COL18A1: variants seen among roughly 807,000 people sequenced by gnomAD.
COL18A1 encodes collagen type XVIII alpha 1 chain.
In COL18A1, 133 loss-of-function variants were observed where a neutral mutation model predicts 168.0. The observed-to-expected ratio is 0.79, with a 90% CI of 0.69 to 0.91. The LOEUF is 0.91. Among genes scored for constraint, COL18A1 ranks in the 40% least tolerant of loss-of-function variants. The pLI, the probability that COL18A1 is intolerant of heterozygous loss-of-function variation, is 0.00. For missense variants in COL18A1, 2,126 were observed against 1,925.4 expected, an observed-to-expected ratio of 1.10 and a Z score of -1.95; for synonymous variants, 949 against 809.0, an observed-to-expected ratio of 1.17 and a Z score of -2.94.
chr21:45,489,635 T>G (rs1476312079), intron 19 of COL18A1, 114 bp downstream of exon 19: 3 of 699,796 alleles, frequency 4.3e-6, no homozygotes, highest in Non-Finnish European at 7.1e-6. Context: ...TGCCACTGCT[T>G]TGTTTCTTTA....
chr21:45,484,525 A>ATACACATAGCCAGCACATG (rs2036039410), intron 15 of COL18A1, among the ~76,000 whole-genome samples: 1 of 152,262 alleles, frequency 6.6e-6, no homozygotes, highest in Non-Finnish European at 1.5e-5. Context: ...ATATGTGCAC[A>ATACACATAGCCAGCACATG]TACACATAGC....
At chr21:45,509,705 G>A in intron 39 of COL18A1, 104 bp downstream of exon 39, 1 of 771,626 alleles carries the variant, frequency 1.3e-6, no homozygotes, top group Non-Finnish European at 2.2e-6. Context: ...CCAGGCTTCG[G>A]CCATGGGTGG....
intron 18 of COL18A1, 67 bp downstream of exon 18, chr21:45,488,511 G>C: frequency 8.1e-6 from 13 of 1,609,460 alleles, no homozygotes; most frequent in Non-Finnish European, 9.3e-6. Context: ...TCTTGGGGCT[G>C]GGGGAGACAG....
At chr21:45,437,330 A>T (rs2034157401) in intron 2 of COL18A1, among the ~76,000 whole-genome samples, 3 of 113,772 alleles carry the variant, frequency 2.6e-5, no homozygotes, top group Admixed American at 8.2e-5. Flanking sequence ...GCACACACAC[A>T]CACTCAGACA....
chr21:45,456,303 G>A (rs573085272), intron 2 of COL18A1: 51 of 1,553,734 alleles, frequency 3.3e-5, no homozygotes, highest in East Asian at 1.7e-4. Flanking sequence ...CCTGACGTCC[G>A]CCTGCGCACG....
rs531901614 is a variant in COL18A1 at position 45,418,506 on chromosome 21, C to T, written c.106+13033C>T. On this transcript the variant is annotated intron_variant, in intron 2 of 41. Transcript: ENST00000651438. ...AATTCCCGGGCTGGCTCTGGGGCGG[C>T]GCTTGCCCGGTCACTTGTCTGCTGC... 5.9e-5 allele frequency among the ~76,000 whole-genome samples: 9 copies of T among 152,262 alleles called. No individual in the cohort carries two copies. The East Asian group carries it at 7.7e-4, about 13-fold the overall frequency.
chr21:45,494,466 C>G, intron 26 of COL18A1, 79 bp from the exon 27 acceptor site: 2 of 1,603,148 alleles, frequency 1.2e-6, no homozygotes, highest in Non-Finnish European at 1.7e-6. Flanking sequence ...ACCGTGCCTT[C>G]GCCACAGGGG....
chr21:45,462,759 GTTAA>G (rs2035086883), intron 2 of COL18A1, among the ~76,000 whole-genome samples: 1 of 152,142 alleles, frequency 6.6e-6, no homozygotes, highest in Non-Finnish European at 1.5e-5. Context: ...GACAGCTTCT[GTTAA>G]TTTATTTTTC....
intron 34 of COL18A1, among the ~76,000 whole-genome samples, 156 bp downstream of exon 34, chr21:45,504,712 A>G (rs2037084730): frequency 6.6e-6 from 1 of 151,944 alleles, no homozygotes; most frequent in Non-Finnish European, 1.5e-5. Flanking sequence ...GTGGGGACGC[A>G]GCAGGCCACA....
intron 2 of COL18A1, among the ~76,000 whole-genome samples, chr21:45,447,211 C>T (rs1249369893): frequency 1.3e-5 from 2 of 149,830 alleles, no homozygotes; most frequent in East Asian, 1.9e-4. Context: ...ATATATATAT[C>T]ATATATCATA....
chr21:45,506,619 G>C, intron 37 of COL18A1: 1 of 174,936 alleles, frequency 5.7e-6, no homozygotes, highest in South Asian at 1.2e-4. Context: ...GTGAGGACGG[G>C]TAGAAGCCCC....
rs775265179 is a variant in COL18A1 at position 45,505,966 on chromosome 21, G to A, written c.3216G>A (p.Gln1072=). 6.2e-7 allele frequency: 1 copy of A among 1,613,144 alleles called. No individual in the cohort carries two copies. The highest frequency in any genetic ancestry group is 8.5e-7 in the Non-Finnish European group (1 of 1,179,940). The stretch of plus-strand genomic sequence containing the variant: ...TGCAGAACGGGTTCCGGAAGGTCCA[G>A]GTGAGCGCTCTGTGTGACGGGTTCT... ...VRVQNGFRKV[Q]LEARTPLPRG... Residue 1072 remains glutamine (Q), a splice_region_variant and synonymous_variant, in exon 37 of 42, where the codon CAG becomes CAA. Coordinates refer to ENST00000651438, the MANE Select transcript of COL18A1 (RefSeq NM_001379500.1).
chr21:45,439,385 G>A (rs2034305744), intron 2 of COL18A1, among the ~76,000 whole-genome samples: 1 of 152,236 alleles, frequency 6.6e-6, no homozygotes, highest in African/African-American at 2.4e-5. Flanking sequence ...GGCGCCCGCC[G>A]GTCACGGGCT....
rs375381177 is a variant in COL18A1 at position 45,505,985 on chromosome 21, G to A, written c.3216+19G>A. On this transcript the variant is annotated intron_variant, in intron 37 of 41. Transcript: ENST00000651438. ...GGTCCAGGTGAGCGCTCTGTGTGAC[G>A]GGTTCTGGACCCGTGGAAGGGCCGA... is the stretch of plus-strand genomic sequence containing the variant. 6.9e-5 allele frequency: 111 copies of A among 1,612,908 alleles called. No homozygotes were observed. The Middle Eastern group carries it at 1.3e-3, about 19-fold the overall frequency.
chr21:45,453,512 C>T (rs377054229), intron 2 of COL18A1, among the ~76,000 whole-genome samples: 54 of 152,292 alleles, frequency 3.5e-4, no homozygotes, highest in African/African-American at 8.4e-4. Context: ...AACCAGATCC[C>T]GGGGGCTGAG....
At position 45,491,314 on chromosome 21, in the gene COL18A1, C is replaced by T. The variant is rs754670613; in HGVS notation, c.2157C>T (p.Asp719=). ...PGPVVYVSEQ[D]GSVLSVPGPE... ...CTGTGGTCTACGTGTCGGAGCAGGA[C>T]GTAAGGACGCTGCGTGGGTGGGCAC... Residue 719 remains aspartate (D), a splice_region_variant and synonymous_variant, in exon 22 of 42, where the codon GAC becomes GAT. Transcript: ENST00000651438. The T allele has an allele frequency of 5.6e-6, 9 of 1,609,794 alleles. No individual in the cohort carries two copies. Among genetic ancestry groups the T allele is most frequent in the Non-Finnish European group, 7.6e-6 (9 of 1,177,772 alleles).
chr21:45,462,849 C>T (rs1414233719), intron 2 of COL18A1, among the ~76,000 whole-genome samples: 1 of 151,812 alleles, frequency 6.6e-6, no homozygotes, highest in Middle Eastern at 3.2e-3. Context: ...CATTTGAACT[C>T]AGTAATGTGG....
chr21:45,484,398 T>TAC (rs72103454), intron 15 of COL18A1, among the ~76,000 whole-genome samples: 3 of 127,780 alleles, frequency 2.3e-5, no homozygotes, highest in East Asian at 2.5e-4. Flanking sequence ...AGCATGTGTG[T>TAC]ACACACACAC....
At chr21:45,435,044 C>T (rs1240294843) in intron 2 of COL18A1, among the ~76,000 whole-genome samples, 1 of 151,970 alleles carries the variant, frequency 6.6e-6, no homozygotes, top group Non-Finnish European at 1.5e-5. Context: ...CCCTGGAGCA[C>T]CAAGGGCTGA....
Sources: gnomAD v4.1 joint callset for allele counts (sites outside exome capture counted in the v4.1 genomes callset) on GRCh38, gnomAD v4.1.1 for gene constraint, MANE v1.5 for transcripts, NCBI Gene and HGNC (gene_info 2026-07-23, HGNC 2026-07-21) for gene names.